UNC5D: variants seen among roughly 807,000 people sequenced by gnomAD.
UNC5D encodes netrin receptor UNC5D.
In UNC5D, 39 loss-of-function variants were observed where a neutral mutation model predicts 105.4. That is an observed-to-expected ratio of 0.37 (90% CI 0.29 to 0.48). The LOEUF (loss-of-function observed/expected upper bound fraction) is 0.48. Among genes scored for constraint, UNC5D ranks in the 20% least tolerant of loss-of-function variants. UNC5D has a pLI of 0.98. For missense variants in UNC5D, 991 were observed against 1,202.4 expected, an observed-to-expected ratio of 0.82 and a Z score of 2.60; for synonymous variants, 452 against 450.4, an observed-to-expected ratio of 1.00 and a Z score of -0.04.
Position 35,795,018 on chromosome 8 carries a change from G to A in UNC5D, c.*4455G>A, listed in dbSNP as rs1803202270. 1 of 152,084 alleles carries A rather than the reference G, an allele frequency of 6.6e-6. No homozygotes were observed. Among genetic ancestry groups the A allele is most frequent in the African/African-American group, 2.4e-5 (1 of 41,404 alleles). 9.4% of individuals were successfully genotyped at this position (152,084 alleles called of 1,614,324 possible). The stretch of plus-strand genomic sequence containing the variant: ...CTTTTGCTGTGAAGATCATGGATTG[G>A]GAATGTCCTCGTGAGGTGGACCTAA... On this transcript the variant is annotated 3_prime_UTR_variant, in exon 17 of 17. Transcript: ENST00000404895.
chr8:35,412,351 G>A (rs981899058), intron 1 of UNC5D, among the ~76,000 whole-genome samples: 1 of 151,974 alleles, frequency 6.6e-6, no homozygotes, highest in African/African-American at 2.4e-5. Context: ...AAAAATGTAA[G>A]CACTATTGCA....
At chr8:35,413,647 C>G (rs1210449913) in intron 1 of UNC5D, among the ~76,000 whole-genome samples, 1 of 152,020 alleles carries the variant, frequency 6.6e-6, no homozygotes, top group Non-Finnish European at 1.5e-5. Context: ...TCTCTCTACC[C>G]AGGGAACTTG....
intron 1 of UNC5D, among the ~76,000 whole-genome samples, chr8:35,337,038 G>A (rs1387671537): frequency 6.6e-6 from 1 of 152,056 alleles, no homozygotes; most frequent in Non-Finnish European, 1.5e-5. Flanking sequence ...TCTTTTCCCT[G>A]AGTAATATTC....
chr8:35,335,930 A>G (rs979677485), intron 1 of UNC5D, among the ~76,000 whole-genome samples: 1 of 151,608 alleles, frequency 6.6e-6, no homozygotes. Context: ...CGCCCGGATA[A>G]TTTTTTGTAT....
At chr8:35,586,756 A>G (rs1039024559) in intron 3 of UNC5D, among the ~76,000 whole-genome samples, 1 of 152,210 alleles carries the variant, frequency 6.6e-6, no homozygotes, top group Non-Finnish European at 1.5e-5. Context: ...GACTATGACT[A>G]TTAAAAAAAT....
chr8:35,640,078 A>C (rs1822620579), intron 4 of UNC5D, among the ~76,000 whole-genome samples: 1 of 152,106 alleles, frequency 6.6e-6, no homozygotes, highest in Non-Finnish European at 1.5e-5. Context: ...TTTATTTGAA[A>C]AATATTTAAG....
rs1803950507 is a variant in UNC5D at position 35,254,656 on chromosome 8, C to T, written c.103+18769C>T. The T allele has an allele frequency of 2.0e-5, 3 of 152,212 alleles. No individual in the cohort carries two copies. In the South Asian group the frequency reaches 6.2e-4, roughly 31 times the overall value. The allele number at this position is 152,212 out of a possible 1,614,324, so 9.4% of individuals were successfully genotyped here. A position where few individuals can be genotyped will look rare whatever the true frequency, so the allele number is the denominator to read the frequency against. On this transcript the variant is annotated intron_variant, in intron 1 of 16. Transcript: ENST00000404895. ...GCCCCTTGTTCAGGAGAACTGCTTT[C>T]ATGTGCTACTGTCCATAGATCTTCT...
intron 16 of UNC5D, among the ~76,000 whole-genome samples, chr8:35,787,589 T>C (rs943998133): frequency 6.6e-6 from 1 of 151,996 alleles, no homozygotes; most frequent in Non-Finnish European, 1.5e-5. Context: ...CAAGTGCCAA[T>C]ATTCAAAACA....
chr8:35,672,423 A>G (rs1824871054), intron 4 of UNC5D, among the ~76,000 whole-genome samples: 1 of 152,220 alleles, frequency 6.6e-6, no homozygotes, highest in African/African-American at 2.4e-5. Context: ...TAATCCTTTA[A>G]GATGAAAGGG....
At chr8:35,400,968 C>T (rs958153603) in intron 1 of UNC5D, among the ~76,000 whole-genome samples, 3 of 152,170 alleles carry the variant, frequency 2.0e-5, no homozygotes, top group African/African-American at 7.2e-5. Context: ...AGGAAGCCGT[C>T]AGTCCTGCTG....
chr8:35,533,696 G>T (rs187780934), intron 1 of UNC5D, among the ~76,000 whole-genome samples: 1 of 152,312 alleles, frequency 6.6e-6, no homozygotes, highest in East Asian at 1.9e-4. Context: ...AGCAATCAGC[G>T]AGATTCCGTG....
chr8:35,365,007 A>G (rs1281430825), intron 1 of UNC5D, among the ~76,000 whole-genome samples: 1 of 152,098 alleles, frequency 6.6e-6, no homozygotes, highest in Non-Finnish European at 1.5e-5. Context: ...GGATCATGCT[A>G]TGCATTTATA....
chr8:35,507,155 A>G (rs1812368960), intron 1 of UNC5D, among the ~76,000 whole-genome samples: 1 of 140,946 alleles, frequency 7.1e-6, no homozygotes, highest in African/African-American at 2.7e-5. Context: ...TCCCGGGTTC[A>G]CGCCATTCTC....
At chr8:35,434,392 G>C (rs1341936593) in intron 1 of UNC5D, among the ~76,000 whole-genome samples, 2 of 151,952 alleles carry the variant, frequency 1.3e-5, no homozygotes, top group African/African-American at 4.8e-5. Flanking sequence ...GGGGGTATTG[G>C]AAATTAAAGT....
chr8:35,260,454 T>G (rs887969055), intron 1 of UNC5D, among the ~76,000 whole-genome samples: 3 of 152,146 alleles, frequency 2.0e-5, no homozygotes, highest in Admixed American at 2.0e-4. Context: ...CAGGAAGGGT[T>G]TTATTTATGC....
intron 3 of UNC5D, among the ~76,000 whole-genome samples, chr8:35,584,109 G>T (rs1195701857): frequency 6.6e-6 from 1 of 152,102 alleles, no homozygotes; most frequent in South Asian, 2.1e-4. Flanking sequence ...AGTGATTATT[G>T]TCTTGTAGAT....
At chr8:35,713,336 G>C (rs1828070089) in intron 8 of UNC5D, among the ~76,000 whole-genome samples, 1 of 152,152 alleles carries the variant, frequency 6.6e-6, no homozygotes, top group Non-Finnish European at 1.5e-5. Flanking sequence ...TATATCTTCA[G>C]TTTTCAGAAT....
At chr8:35,758,570 G>A (rs766967716) in intron 13 of UNC5D, among the ~76,000 whole-genome samples, 6 of 151,898 alleles carry the variant, frequency 4.0e-5, no homozygotes, top group Non-Finnish European at 5.9e-5. Flanking sequence ...TTCTTATATC[G>A]TCTCTCCAAT....
At chr8:35,707,057 A>G (rs1178083364) in intron 8 of UNC5D, among the ~76,000 whole-genome samples, 1 of 152,232 alleles carries the variant, frequency 6.6e-6, no homozygotes, top group Non-Finnish European at 1.5e-5. Context: ...TCTAGTATCA[A>G]CTGAATGACT....
Sources: gnomAD v4.1 joint callset for allele counts (sites outside exome capture counted in the v4.1 genomes callset) on GRCh38, gnomAD v4.1.1 for gene constraint, MANE v1.5 for transcripts, NCBI Gene and HGNC (gene_info 2026-07-23, HGNC 2026-07-21) for gene names.